The following RAB40B variants were observed in gnomAD, a reference collection of about 807,000 sequenced individuals.
RAB40B encodes ras-related protein Rab-40B.
A neutral mutation model predicts 24.0 loss-of-function variants in RAB40B; 21 were observed. That is an observed-to-expected ratio of 0.88 (90% CI 0.62 to 1.26). The LOEUF (loss-of-function observed/expected upper bound fraction) is 1.26, where lower values mean the gene tolerates loss of function less well. RAB40B is among the 50% of genes most tolerant of loss of function. The pLI, the probability that RAB40B is intolerant of heterozygous loss-of-function variation, is 0.00. For missense variants in RAB40B, 348 were observed against 390.5 expected (o/e 0.89, Z 0.92); for synonymous variants, 167 against 169.8 (o/e 0.98, Z 0.13).
At chr17:82,677,799 G>T (rs534282738) in intron 1 of RAB40B, among the ~76,000 whole-genome samples, 6 of 152,200 alleles carry the variant, frequency 3.9e-5, no homozygotes, top group Non-Finnish European at 8.8e-5. Context: ...AGATGAGGGC[G>T]TCAGTGATGC....
intron 1 of RAB40B, among the ~76,000 whole-genome samples, chr17:82,683,988 AG>A (rs1468235331): frequency 1.3e-5 from 2 of 152,052 alleles, no homozygotes; most frequent in Non-Finnish European, 2.9e-5. Flanking sequence ...TGGGAGGCCG[AG>A]GCGGGTGGAT....
At chr17:82,689,880 T>C (rs575540308) in intron 1 of RAB40B, among the ~76,000 whole-genome samples, 185 of 151,774 alleles carry the variant, frequency 1.2e-3, no homozygotes, top group Non-Finnish European at 1.2e-3. Flanking sequence ...AGGCAGAGAA[T>C]TGCTTGGACC....
chr17:82,660,499 A>T (rs1020638679), intron 3 of RAB40B, among the ~76,000 whole-genome samples: 1 of 151,928 alleles, frequency 6.6e-6, no homozygotes, highest in South Asian at 2.1e-4. Flanking sequence ...ACATACACGC[A>T]CATGCAGGCA....
At position 82,670,867 on chromosome 17, in the gene RAB40B, A is replaced by C. The variant is rs1020790223; in HGVS notation, c.143-6311T>G. On this transcript the variant is annotated intron_variant, in intron 1 of 5. Transcript: ENST00000571995. ...TCTTTTTAAGCGCCCTACGAGTTTCAAAACCATCTTTCGTTTCTGTTTTCA... is the reference window on the plus strand; with the variant it reads ...TCTTTTTAAGCGCCCTACGAGTTTCCAAACCATCTTTCGTTTCTGTTTTCA... 2.6e-5 allele frequency among the ~76,000 whole-genome samples: 4 copies of C among 152,004 alleles called. No homozygotes were observed. In the East Asian group the frequency reaches 5.8e-4, roughly 22 times the overall value.
In RAB40B at chr17:82,663,072, C is replaced by T. The variant is rs1319024648; in HGVS notation, c.203+1424G>A. Among the ~76,000 whole-genome samples the T allele has an allele frequency of 6.6e-6, 1 of 152,080 alleles. No individual in the cohort carries two copies. Among genetic ancestry groups the T allele is most frequent in the African/African-American group, 2.4e-5 (1 of 41,406 alleles). Reference sequence around the variant, plus strand: ...AGCTGGCGGAGGGTGGGGAGCAGGACAGGGGCTGACGGCAACCCCAACGCC... The same window carrying T: ...AGCTGGCGGAGGGTGGGGAGCAGGATAGGGGCTGACGGCAACCCCAACGCC... On this transcript the variant is annotated intron_variant, in intron 2 of 5. Transcript: ENST00000571995. This position sits in a 1 kb window ranked among gnomAD's most constrained non-coding sequence, Gnocchi z 6.2.
In RAB40B at chr17:82,667,761, G is replaced by A. The variant is rs111724693; in HGVS notation, c.143-3205C>T. Among the ~76,000 whole-genome samples, 253 of 152,266 alleles carry A rather than the reference G, an allele frequency of 1.7e-3. 5 individuals carry two copies. The Middle Eastern group carries it at 0.037, about 23-fold the overall frequency. On this transcript the variant is annotated intron_variant, in intron 1 of 5. Coordinates refer to ENST00000571995, the MANE Select transcript of RAB40B (RefSeq NM_006822.3). The surrounding 1 kb of genome is among the most constrained non-coding windows in gnomAD (Gnocchi z 4.3). ...CAAAAGATACAGCAGCACTGAGAAC[G>A]CCCGAAGCACCCGCTTTGCAGACGC...
intron 1 of RAB40B, among the ~76,000 whole-genome samples, chr17:82,688,310 G>A (rs1158131187): frequency 6.6e-6 from 1 of 150,998 alleles, no homozygotes; most frequent in Non-Finnish European, 1.5e-5. Flanking sequence ...TGGCCCTCAT[G>A]ACCACTTTTA....
chr17:82,661,778 T>G, intron 2 of RAB40B: 1 of 344,096 alleles, frequency 2.9e-6, no homozygotes, highest in Non-Finnish European at 4.1e-6. Flanking sequence ...TCCCAGCTAC[T>G]CGGAAGGCTG....
At chr17:82,683,884 T>C (rs2046469943) in intron 1 of RAB40B, among the ~76,000 whole-genome samples, 1 of 145,076 alleles carries the variant, frequency 6.9e-6, no homozygotes, top group African/African-American at 2.5e-5. Context: ...CCAAAGAGAA[T>C]ATGAGGATGG....
At position 82,689,156 on chromosome 17, in the gene RAB40B, C is replaced by T. The variant is rs543597130; in HGVS notation, c.142+9299G>A. Among the ~76,000 whole-genome samples the T allele has an allele frequency of 9.8e-5, 15 of 152,382 alleles. No individual in the cohort carries two copies. In the South Asian group the frequency reaches 2.5e-3, roughly 25 times the overall value. ...CAGCTGATTCCACTGTTGCCTCTGA[C>T]GCCCCTTGCCACTGTCTTCACTCCA... On this transcript the variant is annotated intron_variant, in intron 1 of 5. Coordinates refer to ENST00000571995, the MANE Select transcript of RAB40B (RefSeq NM_006822.3).
intron 1 of RAB40B, among the ~76,000 whole-genome samples, chr17:82,673,916 ATC>A (rs1234850661): frequency 2.6e-5 from 4 of 152,052 alleles, no homozygotes. Context: ...CTGATTTTGC[ATC>A]TCTCTCTCTT....
At chr17:82,679,443 A>G (rs1461475489) in intron 1 of RAB40B, among the ~76,000 whole-genome samples, 8 of 150,600 alleles carry the variant, frequency 5.3e-5, no homozygotes, top group African/African-American at 2.0e-4. Flanking sequence ...CACCACGCCC[A>G]GCTAATTTTT....
chr17:82,658,788 T>C, intron 4 of RAB40B, 75 bp from the exon 5 acceptor site: 1 of 1,364,980 alleles, frequency 7.3e-7, no homozygotes, highest in Non-Finnish European at 1.0e-6. Flanking sequence ...GTGGGTGCTC[T>C]GGGTCGAGGA....
intron 1 of RAB40B, among the ~76,000 whole-genome samples, chr17:82,669,727 C>T (rs1441019619): frequency 1.3e-5 from 2 of 152,166 alleles, no homozygotes; most frequent in Admixed American, 6.5e-5. Context: ...AGCCCCAGCG[C>T]GGGAGCTTCA....
At chr17:82,693,397 CAGA>C (rs1598320354) in intron 1 of RAB40B, among the ~76,000 whole-genome samples, 1 of 152,210 alleles carries the variant, frequency 6.6e-6, no homozygotes, top group East Asian at 1.9e-4. Context: ...CTACACACCA[CAGA>C]AGGACAGAGA....
intron 1 of RAB40B, among the ~76,000 whole-genome samples, chr17:82,673,059 C>G (rs949106240): frequency 6.6e-6 from 1 of 152,102 alleles, no homozygotes; most frequent in Non-Finnish European, 1.5e-5. Context: ...CAAAAACTAG[C>G]CAGGCATGGT....
chr17:82,658,420 T>C (rs902112676), intron 5 of RAB40B, 71 bp downstream of exon 5: 64 of 1,535,338 alleles, frequency 4.2e-5, no homozygotes, highest in Middle Eastern at 2.3e-4. Context: ...CAGACACTTA[T>C]CCAGGGGGCC....
At position 82,676,444 on chromosome 17, in the gene RAB40B, C is replaced by A. The variant is rs550446544; in HGVS notation, c.143-11888G>T. 5.4e-5 allele frequency among the ~76,000 whole-genome samples: 8 copies of A among 148,420 alleles called. 1 individual carries two copies. Among genetic ancestry groups the A allele is most frequent in the South Asian group, 4.5e-4 (2 of 4,482 alleles). The stretch of plus-strand genomic sequence containing the variant: ...CTCACCTTCAACAGCCTCTCCCCCC[C>A]CACACAGGGCACCCCCGACCTTCAA... On this transcript the variant is annotated intron_variant, in intron 1 of 5. Coordinates refer to ENST00000571995, the MANE Select transcript of RAB40B (RefSeq NM_006822.3).
At chr17:82,660,625 A>G (rs974263322) in intron 3 of RAB40B, among the ~76,000 whole-genome samples, 3 of 150,632 alleles carry the variant, frequency 2.0e-5, no homozygotes, top group Non-Finnish European at 4.4e-5. Context: ...ACACACGTGC[A>G]CACACACACG....
Sources: gnomAD v4.1 joint callset for allele counts (sites outside exome capture counted in the v4.1 genomes callset) on GRCh38, gnomAD v4.1.1 for gene constraint, Gnocchi (gnomAD v3.1) non-coding constraint, MANE v1.5 for transcripts, NCBI Gene and HGNC (gene_info 2026-07-23, HGNC 2026-07-21) for gene names.